Variants in SPOCK1 observed in about 807,000 individuals in gnomAD.
The protein encoded by SPOCK1 is SPARC (osteonectin), cwcv and kazal like domains proteoglycan 1, also known as testican-1.
Under a neutral mutation model 55.3 loss-of-function variants are expected in SPOCK1, and 23 were observed. The ratio of observed to expected loss-of-function variants is 0.42; its 90% CI spans 0.30 to 0.59. SPOCK1 has a LOEUF of 0.59. SPOCK1 is among the 20% of genes least tolerant of loss of function. The probability of loss-of-function intolerance (pLI) is 0.22; values close to 1 mark genes in which losing one functional copy is unlikely to be tolerated. For missense variants in SPOCK1, 499 were observed against 552.5 expected (o/e 0.90, Z 0.97); for synonymous variants, 226 against 221.0 (o/e 1.02, Z -0.20).
chr5:137,367,156 G>T (rs1395926230), intron 2 of SPOCK1, among the ~76,000 whole-genome samples: 2 of 152,178 alleles, frequency 1.3e-5, no homozygotes, highest in Admixed American at 1.3e-4. Flanking sequence ...GTTCTGCTTT[G>T]CCTCCATCAA....
chr5:137,341,201 T>C (rs1211139737), intron 2 of SPOCK1, among the ~76,000 whole-genome samples: 1 of 152,258 alleles, frequency 6.6e-6, no homozygotes, highest in Non-Finnish European at 1.5e-5. Flanking sequence ...CTTTATGCTC[T>C]GCAAGGCAAG....
intron 6 of SPOCK1, among the ~76,000 whole-genome samples, chr5:137,026,329 T>G (rs1751673680): frequency 6.6e-6 from 1 of 152,262 alleles, no homozygotes; most frequent in Non-Finnish European, 1.5e-5. Context: ...AAGGTATTTT[T>G]GTAGATGAGA....
At chr5:137,475,008 A>T (rs893180004) in intron 2 of SPOCK1, among the ~76,000 whole-genome samples, 4 of 152,162 alleles carry the variant, frequency 2.6e-5, no homozygotes, top group Non-Finnish European at 4.4e-5. Flanking sequence ...CTGATTATTT[A>T]TTGGATACAA....
At chr5:137,339,726 T>G (rs955389604) in intron 2 of SPOCK1, among the ~76,000 whole-genome samples, 7 of 152,094 alleles carry the variant, frequency 4.6e-5, no homozygotes, top group Non-Finnish European at 2.9e-5. Context: ...TGAGAGGTTT[T>G]GGGGGAGCAA....
At chr5:137,421,922 G>A (rs949683841) in intron 2 of SPOCK1, among the ~76,000 whole-genome samples, 5 of 152,204 alleles carry the variant, frequency 3.3e-5, no homozygotes, top group African/African-American at 1.2e-4. Context: ...GCATGTTTTT[G>A]CAGTGGCTGG....
At chr5:137,336,143 C>A (rs1166211286) in intron 2 of SPOCK1, among the ~76,000 whole-genome samples, 1 of 152,178 alleles carries the variant, frequency 6.6e-6, no homozygotes, top group Non-Finnish European at 1.5e-5. Context: ...AGATTGAGGA[C>A]AAGGGTCAGC....
chr5:137,067,402 T>A lies in SPOCK1; in HGVS notation c.589+313A>T, dbSNP rs1660308890. 1.3e-5 allele frequency among the ~76,000 whole-genome samples: 2 copies of A among 152,164 alleles called. 1 individual carries two copies. Among genetic ancestry groups the A allele is most frequent in the Admixed American group, 1.3e-4 (2 of 15,284 alleles). The stretch of plus-strand genomic sequence containing the variant: ...CAAAAGATTAGAGTTCAAGAAAGAC[T>A]AAGATGTACCCCAGGGCAGGTCCGG... On this transcript the variant is annotated intron_variant, in intron 6 of 10. Coordinates refer to ENST00000394945, the MANE Select transcript of SPOCK1 (RefSeq NM_004598.4).
intron 2 of SPOCK1, among the ~76,000 whole-genome samples, chr5:137,351,260 G>A (rs536423843): frequency 1.9e-4 from 29 of 152,332 alleles, no homozygotes; most frequent in African/African-American, 6.3e-4. Context: ...AGGCACATCC[G>A]CTGACAATGC....
intron 5 of SPOCK1, among the ~76,000 whole-genome samples, chr5:137,111,452 C>T (rs1295990413): frequency 1.3e-5 from 2 of 152,194 alleles, no homozygotes; most frequent in Admixed American, 6.5e-5. Context: ...CCATGTCTTA[C>T]AGAAAACCCT....
At chr5:137,199,101 C>T (rs1321545844) in intron 3 of SPOCK1, among the ~76,000 whole-genome samples, 22 of 152,178 alleles carry the variant, frequency 1.4e-4, no homozygotes, top group Admixed American at 1.4e-3. Context: ...TCACTGTTTA[C>T]TGAGCTTTTA....
At chr5:137,236,105 T>C (rs1245866731) in intron 3 of SPOCK1, among the ~76,000 whole-genome samples, 3 of 152,250 alleles carry the variant, frequency 2.0e-5, no homozygotes, top group Non-Finnish European at 2.9e-5. Context: ...TTCCAGCCCA[T>C]GTCCTTGGTC....
chr5:137,326,440 A>T (rs1389889989), intron 2 of SPOCK1, among the ~76,000 whole-genome samples: 1 of 152,198 alleles, frequency 6.6e-6, no homozygotes, highest in Non-Finnish European at 1.5e-5. Context: ...CACAGAAGAG[A>T]TTGCTTGGCA....
intron 3 of SPOCK1, among the ~76,000 whole-genome samples, chr5:137,187,045 C>T (rs141695878): frequency 6.6e-5 from 10 of 152,202 alleles, no homozygotes; most frequent in Non-Finnish European, 1.0e-4. Flanking sequence ...CTGGCAGCTC[C>T]TTGGTCTCTT....
chr5:137,471,768 A>G (rs1435477655), intron 2 of SPOCK1, among the ~76,000 whole-genome samples: 1 of 152,156 alleles, frequency 6.6e-6, no homozygotes, highest in Non-Finnish European at 1.5e-5. Context: ...CAGCAGCCAG[A>G]AAAGGAGCAT....
Position 137,343,910 on chromosome 5 carries a change from C to T in SPOCK1, c.187-76855G>A, listed in dbSNP as rs552459458. 5.3e-5 allele frequency among the ~76,000 whole-genome samples: 8 copies of T among 152,294 alleles called. No individual in the cohort carries two copies. The South Asian group carries it at 1.7e-3, about 32-fold the overall frequency. ...TGGGAAACCCATACCAGGTGCCATA[C>T]AGGAGACTTCAGCTCCCCATCATAG... On this transcript the variant is annotated intron_variant, in intron 2 of 10. Transcript: ENST00000394945.
chr5:137,273,314 C>T lies in SPOCK1; in HGVS notation c.187-6259G>A. 3 of 915,674 alleles carry T rather than the reference C, an allele frequency of 3.3e-6. No homozygotes were observed. The South Asian group carries it at 1.5e-4, about 46-fold the overall frequency. The allele number at this position is 915,674 out of a possible 1,614,324, so 56.7% of individuals were successfully genotyped here. A position where few individuals can be genotyped will look rare whatever the true frequency, so the allele number is the denominator to read the frequency against. On this transcript the variant is annotated intron_variant, in intron 2 of 10. Coordinates refer to ENST00000394945, the MANE Select transcript of SPOCK1 (RefSeq NM_004598.4). ...GATTTCAGATTTAGAATGAAATTTA[C>T]ATTTTATTTGGCAACTACTTTAATG...
intron 2 of SPOCK1, among the ~76,000 whole-genome samples, chr5:137,271,505 T>C (rs971514808): frequency 6.6e-6 from 1 of 151,998 alleles, no homozygotes; most frequent in Non-Finnish European, 1.5e-5. Flanking sequence ...TAAGTCTGCT[T>C]AACATGAAAT....
chr5:137,079,027 C>A (rs973568056), intron 5 of SPOCK1, among the ~76,000 whole-genome samples: 1 of 152,206 alleles, frequency 6.6e-6, no homozygotes, highest in African/African-American at 2.4e-5. Context: ...TTGCAGACCA[C>A]GCTTACTCCC....
chr5:137,013,196 C>A (rs916459337), intron 6 of SPOCK1, among the ~76,000 whole-genome samples: 5 of 151,914 alleles, frequency 3.3e-5, no homozygotes, highest in Non-Finnish European at 5.9e-5. Context: ...ACATTGTATC[C>A]ATCATTTTGT....
Sources: allele counts gnomAD v4.1 joint callset (sites outside exome capture counted in the v4.1 genomes callset), GRCh38; gene constraint gnomAD v4.1.1; transcripts MANE v1.5; gene names NCBI Gene and HGNC (gene_info 2026-07-23, HGNC 2026-07-21).